HOOK1: variants seen among roughly 807,000 people sequenced by gnomAD.
The protein encoded by HOOK1 is protein Hook homolog 1.
Under a neutral mutation model 112.8 loss-of-function variants are expected in HOOK1, and 60 were observed. The ratio of observed to expected loss-of-function variants is 0.53; its 90% confidence interval spans 0.43 to 0.66. HOOK1 has a LOEUF of 0.66. HOOK1 is among the 30% of genes least tolerant of loss of function. The pLI is 0.00. For missense variants in HOOK1, 770 were observed against 856.0 expected (o/e 0.90, Z 1.25); for synonymous variants, 294 against 283.8 (o/e 1.04, Z -0.36).
In HOOK1 at chr1:59,828,856, T is replaced by C; in HGVS notation, c.222+4T>C. The C allele has an allele frequency of 6.2e-7, 1 of 1,610,166 alleles. No individual in the cohort carries two copies. The highest frequency in any genetic ancestry group is 8.5e-7 in the Non-Finnish European group (1 of 1,177,328). On this transcript the variant is annotated splice_donor_region_variant and intron_variant, in intron 3 of 21. Coordinates refer to ENST00000371208, the MANE Select transcript of HOOK1 (RefSeq NM_015888.6). ...TGGGGACAACTGGAGAATAAAGGTA[T>C]GCAGAACAAATGGGAGAAGCACTTG...
At chr1:59,864,260 AT>A (rs981626234) in intron 16 of HOOK1, among the ~76,000 whole-genome samples, 5 of 151,848 alleles carry the variant, frequency 3.3e-5, no homozygotes, top group Non-Finnish European at 7.4e-5. Context: ...AAATCTTAAA[AT>A]TTTTATTCTG....
intron 16 of HOOK1, chr1:59,863,829 C>T (rs1410925523): frequency 4.1e-6 from 4 of 965,448 alleles, no homozygotes; most frequent in Non-Finnish European, 4.9e-6. Context: ...AAATAGAAAT[C>T]GTCTCATGCA....
chr1:59,856,929 C>T (rs2098411068), intron 12 of HOOK1, among the ~76,000 whole-genome samples: 1 of 152,112 alleles, frequency 6.6e-6, no homozygotes, highest in South Asian at 2.1e-4. Context: ...ACTTGGCTGA[C>T]CTTCGAGATC....
At chr1:59,842,895 A>G (rs2098401733) in intron 8 of HOOK1, among the ~76,000 whole-genome samples, 1 of 152,090 alleles carries the variant, frequency 6.6e-6, no homozygotes, top group Non-Finnish European at 1.5e-5. Context: ...TTTAAATCAT[A>G]AGCAAATAGT....
chr1:59,851,504 A>G (rs1362552411), intron 12 of HOOK1, among the ~76,000 whole-genome samples: 2 of 151,626 alleles, frequency 1.3e-5, no homozygotes, highest in East Asian at 1.9e-4. Context: ...AGTTTTGTGC[A>G]TTGATCATGA....
chr1:59,876,275 T>TGTAA lies in HOOK1; in HGVS notation c.*3314_*3317dup, dbSNP rs1311708644. 2.6e-5 allele frequency: 4 copies of TGTAA among 152,776 alleles called. No homozygotes were observed. The highest frequency in any genetic ancestry group is 2.0e-4 in the Admixed American group (3 of 15,298). The allele number at this position is 152,776 out of a possible 1,614,324, so 9.5% of individuals were successfully genotyped here. On this transcript the variant is annotated 3_prime_UTR_variant, in exon 22 of 22. Transcript: ENST00000371208. ...ATAAAACCAATATTTGATTTATTTT[T>TGTAA]GTAAGTATTTAGGATATTATTTTAA...
intron 1 of HOOK1, among the ~76,000 whole-genome samples, chr1:59,817,181 A>AG (rs2098382220): frequency 6.6e-6 from 1 of 152,206 alleles, no homozygotes; most frequent in African/African-American, 2.4e-5. Flanking sequence ...TTAACAGAGA[A>AG]CAAAGAGCCA....
intron 1 of HOOK1, among the ~76,000 whole-genome samples, chr1:59,816,671 G>A (rs1226600847): frequency 1.3e-5 from 2 of 152,192 alleles, no homozygotes; most frequent in Non-Finnish European, 2.9e-5. Context: ...GCTAGGCACT[G>A]GGGAGGACTG....
chr1:59,861,500 A>C (rs2098413585), intron 15 of HOOK1, among the ~76,000 whole-genome samples: 1 of 152,210 alleles, frequency 6.6e-6, no homozygotes, highest in Non-Finnish European at 1.5e-5. Context: ...TGAAGTGCTC[A>C]AAACTTATTA....
Position 59,847,071 on chromosome 1 carries a change from G to T in HOOK1, c.815G>T (p.Arg272Leu). ...CTTGAAGCTGCAAAAGATGATTACC[G>T]TGTTCACTGTGAAGAACTTGAAAAG... is the stretch of plus-strand genomic sequence containing the variant. ...FRLEAAKDDY[R>L]VHCEELEKQL... The change falls in exon 10 of 22, where the codon CGT becomes CTT. Residue 272 changes from arginine (R) to leucine (L), a missense_variant. Transcript: ENST00000371208. The T allele has an allele frequency of 6.2e-7, 1 of 1,606,662 alleles. No individual in the cohort carries two copies. The highest frequency in any genetic ancestry group is 1.1e-5 in the South Asian group (1 of 89,892).
At chr1:59,853,227 T>C (rs2098408199) in intron 12 of HOOK1, among the ~76,000 whole-genome samples, 1 of 152,090 alleles carries the variant, frequency 6.6e-6, no homozygotes, top group South Asian at 2.1e-4. Flanking sequence ...TTTCCAATTG[T>C]TGTTATATCA....
At chr1:59,825,616 G>A (rs549716397) in intron 2 of HOOK1, among the ~76,000 whole-genome samples, 3 of 152,248 alleles carry the variant, frequency 2.0e-5, no homozygotes, top group South Asian at 2.1e-4. Flanking sequence ...TTATACAAGA[G>A]GACAGAGGTA....
chr1:59,830,262 T>C (rs894658497), intron 3 of HOOK1, among the ~76,000 whole-genome samples: 3 of 152,086 alleles, frequency 2.0e-5, no homozygotes, highest in Non-Finnish European at 4.4e-5. Flanking sequence ...ATACTATGTG[T>C]ATAGTGTAGT....
chr1:59,855,047 A>G (rs2098409759), intron 12 of HOOK1, among the ~76,000 whole-genome samples: 1 of 152,230 alleles, frequency 6.6e-6, no homozygotes, highest in South Asian at 2.1e-4. Flanking sequence ...TAATGGGTGG[A>G]TATACTAGAC....
intron 12 of HOOK1, among the ~76,000 whole-genome samples, chr1:59,856,834 C>T (rs2098411010): frequency 1.3e-5 from 2 of 152,094 alleles, no homozygotes; most frequent in Admixed American, 1.3e-4. Flanking sequence ...CTTTGCCTTC[C>T]TGTTTGCTCA....
chr1:59,868,758 C>G lies in HOOK1; in HGVS notation c.1947+407C>G, dbSNP rs555321122. 1.7e-3 allele frequency among the ~76,000 whole-genome samples: 254 copies of G among 152,290 alleles called. 3 individuals are homozygous for G. The highest frequency in any genetic ancestry group is 2.8e-3 in the Non-Finnish European group (189 of 68,030). On this transcript the variant is annotated intron_variant, in intron 20 of 21. Transcript: ENST00000371208. The stretch of plus-strand genomic sequence containing the variant: ...TTTTCTTGTCTTCAGCCGTTTCTCA[C>G]CTGAACCTAAACAAACTTATTAATA...
At chr1:59,815,878 T>C (rs2098381028) in intron 1 of HOOK1, among the ~76,000 whole-genome samples, 1 of 152,202 alleles carries the variant, frequency 6.6e-6, no homozygotes, top group Non-Finnish European at 1.5e-5. Flanking sequence ...CTTTAGGATT[T>C]ATCTGTGTTT....
At chr1:59,836,057 CT>C (rs1211422114) in intron 6 of HOOK1, among the ~76,000 whole-genome samples, 2 of 151,808 alleles carry the variant, frequency 1.3e-5, no homozygotes, top group South Asian at 2.1e-4. Context: ...TTTCTTTTTT[CT>C]TTTTTTTCTT....
intron 11 of HOOK1, 64 bp from the exon 12 acceptor site, chr1:59,849,001 TCTGAAAGA>T: frequency 1.3e-6 from 1 of 792,044 alleles, no homozygotes; most frequent in African/African-American, 1.8e-5. Context: ...TTTACTCAAT[TCTGAAAGA>T]CTATTGAGAT....
Sources: gnomAD v4.1 joint callset for allele counts (sites outside exome capture counted in the v4.1 genomes callset) on GRCh38, gnomAD v4.1.1 for gene constraint, MANE v1.5 for transcripts, NCBI Gene and HGNC (gene_info 2026-07-23, HGNC 2026-07-21) for gene names.